The following SDK1 variants were observed in gnomAD, a reference collection of about 807,000 sequenced individuals.
SDK1 encodes the protein protein sidekick-1.
SDK1 carries 157 observed loss-of-function variants against 245.5 expected under a neutral mutation model. That is an observed-to-expected ratio of 0.64 (90% confidence interval 0.56 to 0.73). The LOEUF (loss-of-function observed/expected upper bound fraction) is 0.73. Ranked by LOEUF, SDK1 falls within the 30% of genes least tolerant of loss-of-function variation. SDK1 has a pLI of 0.00. For missense variants in SDK1, 3,583 were observed against 3,002.3 expected (o/e 1.19, Z -4.52); for synonymous variants, 1,647 against 1,278.5 (o/e 1.29, Z -6.15).
Position 4,026,219 on chromosome 7 carries a change from C to T in SDK1, c.2602+8867C>T, listed in dbSNP as rs10263157. Among the ~76,000 whole-genome samples, 3 of 152,098 alleles carry T rather than the reference C, an allele frequency of 2.0e-5. No homozygotes were observed. Among genetic ancestry groups the T allele is most frequent in the Admixed American group, 6.5e-5 (1 of 15,274 alleles). ...ACCACAAACATGCAATTTTCAGATG[C>T]GGAGAATGCAGAGACAGGGCATGGG... On this transcript the variant is annotated intron_variant, in intron 17 of 44. Transcript: ENST00000404826. This position sits in a 1 kb window ranked among gnomAD's most constrained non-coding sequence, Gnocchi z 4.1.
chr7:3,508,362 G>C (rs1007671036), intron 1 of SDK1, among the ~76,000 whole-genome samples: 8 of 133,140 alleles, frequency 6.0e-5, no homozygotes, highest in African/African-American at 2.3e-4. Flanking sequence ...ATCTTGCCCT[G>C]TTGCCCTGGC....
chr7:3,471,188 C>G lies in SDK1; in HGVS notation c.299-147892C>G, dbSNP rs114334529. On this transcript the variant is annotated intron_variant, in intron 1 of 44. Transcript: ENST00000404826. ...TTTATGTACAAGTGCTTGCTAATTA[C>G]TTGAGTCGTGAGAAGACTGAGTGAG... Among the ~76,000 whole-genome samples, 786 of 152,216 alleles carry G rather than the reference C, an allele frequency of 5.2e-3. 7 individuals are homozygous for G. Among genetic ancestry groups the G allele is most frequent in the African/African-American group, 0.018 (749 of 41,544 alleles).
intron 4 of SDK1, among the ~76,000 whole-genome samples, chr7:3,750,430 G>C (rs185732841): frequency 6.6e-6 from 1 of 152,220 alleles, no homozygotes; most frequent in Non-Finnish European, 1.5e-5. Flanking sequence ...CAACTCTTCA[G>C]TGATACTTGT....
intron 1 of SDK1, among the ~76,000 whole-genome samples, chr7:3,341,905 T>G (rs1165960253): frequency 1.3e-5 from 2 of 152,166 alleles, no homozygotes; most frequent in East Asian, 3.9e-4. Flanking sequence ...AGCAAAGATT[T>G]TTGGTAGATA....
chr7:4,110,262 T>C, intron 22 of SDK1, among the ~76,000 whole-genome samples: 1 of 152,180 alleles, frequency 6.6e-6, no homozygotes, highest in South Asian at 2.1e-4. Flanking sequence ...CTGCTTACCA[T>C]GGTCCTGGCC....
chr7:3,754,523 A>AAAGTT (rs60515430), intron 4 of SDK1, among the ~76,000 whole-genome samples: 13,831 of 152,114 alleles, frequency 0.091, 1,945 homozygotes, highest in African/African-American at 0.31. Context: ...CTGTCAAAGA[A>AAAGTT]AAGTTTTACT....
At chr7:3,902,216 A>T (rs575969706) in intron 5 of SDK1, among the ~76,000 whole-genome samples, 5 of 152,228 alleles carry the variant, frequency 3.3e-5, no homozygotes, top group African/African-American at 1.2e-4. Flanking sequence ...GTGTGTGTGT[A>T]TTTTAAATCA....
intron 1 of SDK1, among the ~76,000 whole-genome samples, chr7:3,522,517 TTGTC>T (rs1411111161): frequency 6.6e-6 from 1 of 151,454 alleles, no homozygotes; most frequent in East Asian, 1.9e-4. Context: ...TGCAGGGTGT[TTGTC>T]TTGATTATCT....
intron 1 of SDK1, among the ~76,000 whole-genome samples, chr7:3,501,426 C>T (rs1204596152): frequency 6.6e-6 from 1 of 151,286 alleles, no homozygotes; most frequent in Non-Finnish European, 1.5e-5. Context: ...CAGTTAGGTT[C>T]CGAGTGACAG....
chr7:3,965,768 C>CG (rs60822174), intron 9 of SDK1, among the ~76,000 whole-genome samples: 151,644 of 152,048 alleles, frequency 1, 75,620 homozygotes, highest in South Asian at 1. Context: ...CATATTGAGC[C>CG]GGGGCCTCCC....
At chr7:4,022,696 C>T (rs1355370228) in intron 17 of SDK1, among the ~76,000 whole-genome samples, 1 of 152,064 alleles carries the variant, frequency 6.6e-6, no homozygotes, top group Admixed American at 6.5e-5. Flanking sequence ...GGAAGATCAG[C>T]AGTATGTAGT....
chr7:3,831,371 G>T (rs1030542287), intron 5 of SDK1, among the ~76,000 whole-genome samples: 1 of 152,066 alleles, frequency 6.6e-6, no homozygotes, highest in African/African-American at 2.4e-5. Flanking sequence ...TTCCTTTTAC[G>T]AATGAGTTCA....
At position 3,346,827 on chromosome 7, in the gene SDK1, A is replaced by ATT. The variant is rs1163275778; in HGVS notation, c.298+44966_298+44967dup. 2.4e-3 allele frequency among the ~76,000 whole-genome samples: 40 copies of ATT among 16,384 alleles called. 1 individual carries two copies. The highest frequency in any genetic ancestry group is 3.4e-3 in the South Asian group (1 of 292). The allele number at this position is 16,384 out of a possible 152,430, so 10.7% of individuals were successfully genotyped here. A position where few individuals can be genotyped will look rare whatever the true frequency, so the allele number is the denominator to read the frequency against. On this transcript the variant is annotated intron_variant, in intron 1 of 44. Coordinates refer to ENST00000404826, the MANE Select transcript of SDK1 (RefSeq NM_152744.4). ...TGTGTGTATATATATATATATATAT[A>ATT]TTTTTTTTTTTTTTTTTTTTTTTTG...
At chr7:3,406,774 A>C (rs1462293848) in intron 1 of SDK1, among the ~76,000 whole-genome samples, 2 of 152,162 alleles carry the variant, frequency 1.3e-5, no homozygotes, top group Non-Finnish European at 2.9e-5. Context: ...GAACATACCC[A>C]TATATACAGG....
chr7:3,500,191 C>T (rs1220178223), intron 1 of SDK1, among the ~76,000 whole-genome samples: 1 of 152,130 alleles, frequency 6.6e-6, no homozygotes, highest in Non-Finnish European at 1.5e-5. Context: ...TGTTGTTTAG[C>T]TCTGATCCTG....
rs116895850 is a variant in SDK1 at position 3,956,453 on chromosome 7, G to A, written c.1151-2478G>A. Among the ~76,000 whole-genome samples the A allele has an allele frequency of 5.8e-3, 876 of 152,284 alleles. 15 individuals carry two copies. The highest frequency in any genetic ancestry group is 5.0e-3 in the Non-Finnish European group (338 of 68,020). ...AGGGAGAGAACTCGTACCCTCACACGGTGGGGAAGTACTAAGGGAAGCTCA... is the reference window on the plus strand; with the variant it reads ...AGGGAGAGAACTCGTACCCTCACACAGTGGGGAAGTACTAAGGGAAGCTCA... On this transcript the variant is annotated intron_variant, in intron 7 of 44. Coordinates refer to ENST00000404826, the MANE Select transcript of SDK1 (RefSeq NM_152744.4).
intron 38 of SDK1, among the ~76,000 whole-genome samples, chr7:4,210,845 G>A (rs1013025323): frequency 5.9e-5 from 9 of 152,196 alleles, no homozygotes; most frequent in Admixed American, 3.3e-4. Context: ...ACAACAGCCC[G>A]AGCGTGATCA....
chr7:3,371,454 T>TA (rs1468967562), intron 1 of SDK1, among the ~76,000 whole-genome samples: 1 of 151,928 alleles, frequency 6.6e-6, no homozygotes, highest in South Asian at 2.1e-4. Context: ...ATCTGGTATC[T>TA]TAAAAAAAGA....
chr7:4,186,374 C>T (rs1003364983), intron 35 of SDK1, among the ~76,000 whole-genome samples: 2 of 152,198 alleles, frequency 1.3e-5, no homozygotes, highest in African/African-American at 2.4e-5. Context: ...TGGGACCCCT[C>T]GTGCACCTTT....
Sources: gnomAD v4.1 joint callset for allele counts (sites outside exome capture counted in the v4.1 genomes callset) on GRCh38, gnomAD v4.1.1 for gene constraint, Gnocchi (gnomAD v3.1) non-coding constraint, MANE v1.5 for transcripts, NCBI Gene and HGNC (gene_info 2026-07-23, HGNC 2026-07-21) for gene names.